ZNF268: variants seen among roughly 807,000 people sequenced by gnomAD.
ZNF268 encodes the protein zinc finger protein 3.
A neutral mutation model predicts 29.3 loss-of-function variants in ZNF268; 20 were observed. That is an observed-to-expected ratio of 0.68 (90% CI 0.48 to 0.99). The LOEUF is 0.99. Among genes scored for constraint, ZNF268 ranks in the 50% least tolerant of loss-of-function variants. ZNF268 has a pLI of 0.00. For missense variants in ZNF268, 1,240 were observed against 1,121.6 expected, an observed-to-expected ratio of 1.11 and a Z score of -1.51; for synonymous variants, 429 against 376.9, an observed-to-expected ratio of 1.14 and a Z score of -1.60.
chr12:133,193,306 C>A, intron 5 of ZNF268: 1 of 497,284 alleles, frequency 2.0e-6, no homozygotes, highest in Non-Finnish European at 3.6e-6. Flanking sequence ...AGACTCTGGC[C>A]TGGGTGATAG....
rs1285147210 is a variant in ZNF268 at position 133,204,525 on chromosome 12, CATTG to C, written c.2842_*1del. The C allele has an allele frequency of 2.7e-6, 4 of 1,493,298 alleles. No individual in the cohort carries two copies. Among genetic ancestry groups the C allele is most frequent in the African/African-American group, 2.8e-5 (2 of 70,800 alleles). 92.5% of individuals were successfully genotyped at this position (1,493,298 alleles called of 1,614,324 possible). The stretch of plus-strand genomic sequence containing the variant: ...TCAGAGAACTCATGTAGATGACAAA[CATTG>C]ATAATTTTACGAAACTCTGAAAAGT... On this transcript the variant is annotated frameshift_variant and stop_lost, in exon 6 of 6. Coordinates refer to ENST00000536435, the MANE Select transcript of ZNF268 (RefSeq NM_003415.3). LOFTEE classifies it high-confidence loss of function.
chr12:133,204,311 GA>G lies in ZNF268; in HGVS notation c.2627del (p.Asn876IlefsTer68), dbSNP rs759084378. The G allele has an allele frequency of 3.2e-6, 5 of 1,559,810 alleles. No individual in the cohort carries two copies. In the South Asian group the frequency reaches 5.8e-5, roughly 18 times the overall value. On this transcript the variant is annotated frameshift_variant, in exon 6 of 6. Coordinates refer to ENST00000536435, the MANE Select transcript of ZNF268 (RefSeq NM_003415.3). LOFTEE classifies it high-confidence loss of function. Reference protein sequence around the residue: ...CSECGKAFIRNSQLIVHQRTH... With the variant: ...CSECGKAFIRXSQLIVHQRTH... Reference sequence around the variant, plus strand: ...GTGAGTGTGGAAAAGCCTTCATTAGGAATTCTCAACTCATTGTACATCAAAG... The same window carrying G: ...GTGAGTGTGGAAAAGCCTTCATTAGGATTCTCAACTCATTGTACATCAAAG...
At chr12:133,191,112 C>A (rs192319814) in intron 3 of ZNF268, among the ~76,000 whole-genome samples, 2 of 151,970 alleles carry the variant, frequency 1.3e-5, no homozygotes, top group African/African-American at 2.4e-5. Context: ...GTCAGGAGAT[C>A]GAGACCATCC....
Position 133,203,134 on chromosome 12 carries a change from T to G in ZNF268, c.1448T>G (p.Leu483Trp). Residue 483 changes from leucine (L) to tryptophan (W), a missense_variant, in exon 6 of 6, where the codon TTG becomes TGG. Physicochemically the swap from Leu to Trp is moderately conservative, Grantham distance 61 (BLOSUM62 -2). Transcript: ENST00000536435. ...GCIQCGKGFS[L>W]KSQLIVHQRS... Reference sequence around the variant, plus strand: ...ATTCAGTGTGGTAAAGGATTCAGTTTGAAATCACAGCTCATTGTACATCAG... The same window carrying G: ...ATTCAGTGTGGTAAAGGATTCAGTTGGAAATCACAGCTCATTGTACATCAG... 6.5e-7 allele frequency: 1 copy of G among 1,537,480 alleles called. No homozygotes were observed. The highest frequency in any genetic ancestry group is 8.7e-7 in the Non-Finnish European group (1 of 1,146,756).
chr12:133,198,897 CTT>C (rs1041276702), intron 5 of ZNF268, among the ~76,000 whole-genome samples: 7 of 147,796 alleles, frequency 4.7e-5, no homozygotes, highest in African/African-American at 1.8e-4. Flanking sequence ...TATCCTGAGA[CTT>C]TGCTGAAGTT....
At position 133,202,558 on chromosome 12, in the gene ZNF268, T is replaced by C. The variant is rs1956779820; in HGVS notation, c.872T>C (p.Leu291Pro). The C allele has an allele frequency of 1.2e-6, 2 of 1,610,816 alleles. No homozygotes were observed. The highest frequency in any genetic ancestry group is 1.7e-6 in the Non-Finnish European group (2 of 1,178,304). ...CEKAFSSKSY[L>P]LVHQQTHAEE... ...AAAGCCTTCAGCAGCAAGTCATACCTTCTAGTGCATCAGCAAACTCATGCC... is the reference window on the plus strand; with the variant it reads ...AAAGCCTTCAGCAGCAAGTCATACCCTCTAGTGCATCAGCAAACTCATGCC... The change falls in exon 6 of 6, where the codon CTT becomes CCT. Residue 291 changes from leucine to proline, a missense_variant. Leu to Pro is a moderately conservative substitution (Grantham distance 98). Coordinates refer to ENST00000536435, the MANE Select transcript of ZNF268 (RefSeq NM_003415.3).
chr12:133,185,045 G>A (rs1261363143), intron 2 of ZNF268, among the ~76,000 whole-genome samples: 6 of 151,892 alleles, frequency 4.0e-5, no homozygotes, highest in African/African-American at 4.8e-5. Context: ...TTAGCTGGGC[G>A]TGATGGTGGG....
In ZNF268 at chr12:133,207,522, T is replaced by C. The variant is rs766996437; in HGVS notation, c.*2992T>C. The C allele has an allele frequency of 3.9e-5, 6 of 152,168 alleles. No homozygotes were observed. The highest frequency in any genetic ancestry group is 7.3e-5 in the Non-Finnish European group (5 of 68,046). 9.4% of individuals were successfully genotyped at this position (152,168 alleles called of 1,614,324 possible). On this transcript the variant is annotated 3_prime_UTR_variant, in exon 6 of 6. Coordinates refer to ENST00000536435, the MANE Select transcript of ZNF268 (RefSeq NM_003415.3). ...CAGTATGCCCACTTAAAAAGAGATATATGGGGCCAGGCACGGTGGCTCACA... is the reference window on the plus strand; with the variant it reads ...CAGTATGCCCACTTAAAAAGAGATACATGGGGCCAGGCACGGTGGCTCACA...
rs1415295358 is a variant in ZNF268 at position 133,207,370 on chromosome 12, T to G, written c.*2840T>G. On this transcript the variant is annotated 3_prime_UTR_variant, in exon 6 of 6. Transcript: ENST00000536435. ...ATATTTGTGAACATAGGTTTAAAAA[T>G]TCTAAATGGAATTATAGCAAACCAA... 6.6e-6 allele frequency: 1 copy of G among 152,054 alleles called. No individual in the cohort carries two copies. The highest frequency in any genetic ancestry group is 1.5e-5 in the Non-Finnish European group (1 of 68,004). The allele number at this position is 152,054 out of a possible 1,614,324, so 9.4% of individuals were successfully genotyped here. A position where few individuals can be genotyped will look rare whatever the true frequency, so the allele number is the denominator to read the frequency against.
intron 5 of ZNF268, among the ~76,000 whole-genome samples, chr12:133,196,183 G>A (rs143362928): frequency 0.021 from 3,133 of 151,724 alleles, 113 homozygotes; most frequent in African/African-American, 0.072. Context: ...TTAGCTGGGC[G>A]TGGTGATGCA....
rs1956966765 is a variant in ZNF268, at chr12:133,210,787, T to C, written c.*6257T>C. On this transcript the variant is annotated 3_prime_UTR_variant, in exon 6 of 6. Transcript: ENST00000536435. ...CCTCTAGTGATCCCCAGGTCCTGAG[T>C]AGAAGGAAGGCCTGGTCCTCTGTGG... is the stretch of plus-strand genomic sequence containing the variant. The C allele has an allele frequency of 2.2e-6, 1 of 455,050 alleles. No homozygotes were observed. Among genetic ancestry groups the C allele is most frequent in the Non-Finnish European group, 4.4e-6 (1 of 226,154 alleles). 28.2% of individuals were successfully genotyped at this position (455,050 alleles called of 1,614,324 possible).
chr12:133,185,190 A>G (rs1274816100), intron 2 of ZNF268, among the ~76,000 whole-genome samples: 1 of 151,670 alleles, frequency 6.6e-6, no homozygotes, highest in African/African-American at 2.4e-5. Context: ...TCTCAAAAAA[A>G]AAAAAAAAAA....
intron 2 of ZNF268, among the ~76,000 whole-genome samples, chr12:133,184,370 G>T (rs1490747631): frequency 1.3e-5 from 2 of 152,044 alleles, no homozygotes; most frequent in Non-Finnish European, 2.9e-5. Context: ...CTCCCAAAGT[G>T]CTGGGATTAC....
Position 133,212,445 on chromosome 12 carries a change from TTATATATATATATATATATATATA to T in ZNF268, c.*7945_*7968del, listed in dbSNP as rs565059550. ...CCAAGGGAGACTTTCATGTGTGATT[TTATATATATATATATATATATATA>T]TATATATATATATATATATATATAT... is the stretch of plus-strand genomic sequence containing the variant. On this transcript the variant is annotated 3_prime_UTR_variant, in exon 6 of 6. Transcript: ENST00000536435. 29 of 118,574 alleles carry T rather than the reference TTATATATATATATATATATATATA, an allele frequency of 2.4e-4. No individual in the cohort carries two copies. The highest frequency in any genetic ancestry group is 4.0e-3 in the Middle Eastern group (1 of 252). 7.3% of individuals were successfully genotyped at this position (118,574 alleles called of 1,614,324 possible).
At position 133,210,839 on chromosome 12, in the gene ZNF268, A is replaced by C; in HGVS notation, c.*6309A>C. ...TTCAACCCAGAGGTCTGTGAGCAGA[A>C]TGCAGGTACTGCAAGCAGGCTAGAC... On this transcript the variant is annotated 3_prime_UTR_variant, in exon 6 of 6. Transcript: ENST00000536435. 2.2e-6 allele frequency: 1 copy of C among 456,082 alleles called. No individual in the cohort carries two copies. Among genetic ancestry groups the C allele is most frequent in the Non-Finnish European group, 4.4e-6 (1 of 226,798 alleles). 28.3% of individuals were successfully genotyped at this position (456,082 alleles called of 1,614,324 possible). A position where few individuals can be genotyped will look rare whatever the true frequency, so the allele number is the denominator to read the frequency against.
At position 133,212,601 on chromosome 12, in the gene ZNF268, T is replaced by A. The variant is rs1253513387; in HGVS notation, c.*8071T>A. 2.0e-5 allele frequency: 3 copies of A among 151,534 alleles called. No individual in the cohort carries two copies. The highest frequency in any genetic ancestry group is 4.4e-5 in the Non-Finnish European group (3 of 67,908). 9.4% of individuals were successfully genotyped at this position (151,534 alleles called of 1,614,324 possible). ...ATAAGAACATTTACCATTTTAACTATTTTTAAGTGTACACTTCAGTGGCAT... is the reference window on the plus strand; with the variant it reads ...ATAAGAACATTTACCATTTTAACTAATTTTAAGTGTACACTTCAGTGGCAT... On this transcript the variant is annotated 3_prime_UTR_variant, in exon 6 of 6. Transcript: ENST00000536435.
chr12:133,194,482 G>A (rs933480883), intron 5 of ZNF268, among the ~76,000 whole-genome samples: 1 of 152,086 alleles, frequency 6.6e-6, no homozygotes, highest in African/African-American at 2.4e-5. Context: ...GATGCCTGTG[G>A]ATATACCAGT....
At chr12:133,195,280 G>C (rs61960674) in intron 5 of ZNF268, among the ~76,000 whole-genome samples, 3 of 152,122 alleles carry the variant, frequency 2.0e-5, no homozygotes, top group African/African-American at 7.2e-5. Context: ...AATTCTCTTG[G>C]TGTATATTTG....
chr12:133,203,911 A>G lies in ZNF268; in HGVS notation c.2225A>G (p.His742Arg). The G allele has an allele frequency of 6.3e-7, 1 of 1,586,356 alleles. No homozygotes were observed. The highest frequency in any genetic ancestry group is 8.6e-7 in the Non-Finnish European group (1 of 1,168,710). The change falls in exon 6 of 6, where the codon CAT (histidine) becomes CGT (arginine). Residue 742 changes from histidine (H) to arginine (R), a missense_variant. Coordinates refer to ENST00000536435, the MANE Select transcript of ZNF268 (RefSeq NM_003415.3). ...AGTTTCAATTCACAACTCATTGTGC[A>G]TCAGAGAATTCACACAGGAGAAAAT... is the stretch of plus-strand genomic sequence containing the variant. The part of the protein sequence containing the change: ...SFSFNSQLIV[H>R]QRIHTGENPY...
Sources: allele counts gnomAD v4.1 joint callset (sites outside exome capture counted in the v4.1 genomes callset), GRCh38; gene constraint gnomAD v4.1.1; transcripts MANE v1.5; gene names NCBI Gene and HGNC (gene_info 2026-07-23, HGNC 2026-07-21).